The following MAP2K4 variants were observed in gnomAD, a reference collection of about 807,000 sequenced individuals.
MAP2K4 encodes dual specificity mitogen-activated protein kinase kinase 4.
MAP2K4 carries 4 observed loss-of-function variants against 48.5 expected under a neutral mutation model. The ratio of observed to expected loss-of-function variants is 0.08; its 90% CI spans 0.04 to 0.19. The LOEUF (loss-of-function observed/expected upper bound fraction) is 0.19. Among genes scored for constraint, MAP2K4 ranks in the 10% least tolerant of loss-of-function variants. The pLI is 1.00. For missense variants in MAP2K4, 258 were observed against 493.3 expected (o/e 0.52, Z 4.52); for synonymous variants, 166 against 173.1 (o/e 0.96, Z 0.32).
chr17:12,104,545 C>T (rs1039894442), intron 4 of MAP2K4, among the ~76,000 whole-genome samples: 1 of 151,890 alleles, frequency 6.6e-6, no homozygotes, highest in African/African-American at 2.4e-5. Context: ...GAATTTTTTA[C>T]ATGTATTTAG....
At chr17:12,129,001 C>A (rs1972943961) in intron 8 of MAP2K4, 138 bp from the exon 9 acceptor site, 2 of 680,260 alleles carry the variant, frequency 2.9e-6, no homozygotes, top group Admixed American at 3.0e-5. Flanking sequence ...TCTGAAGATT[C>A]CTCCCCAAGC....
At chr17:12,085,681 C>T (rs770247521) in intron 3 of MAP2K4, among the ~76,000 whole-genome samples, 5 of 151,982 alleles carry the variant, frequency 3.3e-5, no homozygotes, top group Non-Finnish European at 5.9e-5. Flanking sequence ...TGGATTTTGA[C>T]TTTAGTGTCC....
intron 1 of MAP2K4, 151 bp downstream of exon 1, chr17:12,021,152 C>T: frequency 2.4e-6 from 1 of 424,278 alleles, no homozygotes; most frequent in Non-Finnish European, 3.8e-6. Flanking sequence ...TCCCGCCCCG[C>T]TCCCGGCCGC....
intron 7 of MAP2K4, among the ~76,000 whole-genome samples, chr17:12,121,849 C>T (rs1010527205): frequency 6.6e-6 from 1 of 152,114 alleles, no homozygotes; most frequent in African/African-American, 2.4e-5. Context: ...TGTTTACAGA[C>T]ATGCCTTTTT....
rs533049586 is a variant in MAP2K4 at position 12,101,017 on chromosome 17, A to G, written c.513+5323A>G. Among the ~76,000 whole-genome samples the G allele has an allele frequency of 1.9e-3, 286 of 152,186 alleles. 3 individuals carry two copies. Among genetic ancestry groups the G allele is most frequent in the African/African-American group, 6.2e-3 (259 of 41,554 alleles). Reference sequence around the variant, plus strand: ...GTCTCCTGTCTGCGCTTATCTTTATATATATCTATTCTTCACAGTGTTTTT... The same window carrying G: ...GTCTCCTGTCTGCGCTTATCTTTATGTATATCTATTCTTCACAGTGTTTTT... On this transcript the variant is annotated intron_variant, in intron 4 of 10. Transcript: ENST00000353533.
intron 1 of MAP2K4, among the ~76,000 whole-genome samples, chr17:12,038,194 C>A (rs1270693827): frequency 6.6e-6 from 1 of 152,050 alleles, no homozygotes; most frequent in Non-Finnish European, 1.5e-5. Context: ...CCAACTGAAT[C>A]CAGTTAAAGT....
chr17:12,031,991 G>C (rs1229700840), intron 1 of MAP2K4, among the ~76,000 whole-genome samples: 1 of 152,086 alleles, frequency 6.6e-6, no homozygotes, highest in Non-Finnish European at 1.5e-5. Flanking sequence ...AGGGCTTGTA[G>C]TTCTTTTTAT....
chr17:12,024,509 A>C (rs1307800537), intron 1 of MAP2K4, among the ~76,000 whole-genome samples: 8 of 152,118 alleles, frequency 5.3e-5, no homozygotes, highest in African/African-American at 1.9e-4. Flanking sequence ...TACGTTGAGT[A>C]GTTCTTAGGC....
chr17:12,033,602 T>G (rs1969505294), intron 1 of MAP2K4, among the ~76,000 whole-genome samples: 1 of 152,182 alleles, frequency 6.6e-6, no homozygotes, highest in South Asian at 2.1e-4. Context: ...TAATATATGA[T>G]TTCCTGCTCA....
intron 2 of MAP2K4, among the ~76,000 whole-genome samples, chr17:12,061,738 T>C (rs1251673459): frequency 6.6e-6 from 1 of 152,162 alleles, no homozygotes; most frequent in Non-Finnish European, 1.5e-5. Flanking sequence ...TAGCTATTGA[T>C]GAGTTTTCCA....
chr17:12,129,357 C>T (rs1224953169), intron 9 of MAP2K4, 70 bp downstream of exon 9: 1 of 1,577,852 alleles, frequency 6.3e-7, no homozygotes, highest in African/African-American at 1.4e-5. Context: ...GTCTTAGCAG[C>T]ATTGGTACTT....
chr17:12,132,080 G>A (rs1359349860), intron 9 of MAP2K4, among the ~76,000 whole-genome samples: 1 of 152,162 alleles, frequency 6.6e-6, no homozygotes, highest in African/African-American at 2.4e-5. Flanking sequence ...AATACTGACA[G>A]TACCAAATAT....
At position 12,048,671 on chromosome 17, in the gene MAP2K4, T is replaced by G. The variant is rs181250399; in HGVS notation, c.116-6218T>G. ...TTTATTTTTATTTATTTATTTATTT[T>G]TTGAGACGCAGTTTCACTCTTGTCA... On this transcript the variant is annotated intron_variant, in intron 1 of 10. Transcript: ENST00000353533. Among the ~76,000 whole-genome samples the G allele has an allele frequency of 7.9e-5, 12 of 152,244 alleles. 1 individual carries two copies. The highest frequency in any genetic ancestry group is 7.8e-4 in the Admixed American group (12 of 15,292).
intron 8 of MAP2K4, among the ~76,000 whole-genome samples, chr17:12,126,772 T>G (rs1972867734): frequency 1.3e-5 from 2 of 152,256 alleles, no homozygotes; most frequent in Admixed American, 1.3e-4. Context: ...AATTTTGTTT[T>G]GAAGTCTTCG....
chr17:12,042,674 A>G (rs1356705940), intron 1 of MAP2K4, among the ~76,000 whole-genome samples: 1 of 151,310 alleles, frequency 6.6e-6, no homozygotes, highest in Non-Finnish European at 1.5e-5. Context: ...GTGATTCACT[A>G]TGGAGTCGAA....
chr17:12,108,450 GT>G (rs1413874120), intron 5 of MAP2K4, among the ~76,000 whole-genome samples: 1 of 151,994 alleles, frequency 6.6e-6, no homozygotes, highest in Non-Finnish European at 1.5e-5. Flanking sequence ...ACTAAATTTG[GT>G]TAACTCACTT....
intron 9 of MAP2K4, among the ~76,000 whole-genome samples, chr17:12,134,096 A>T (rs552405282): frequency 1.4e-3 from 220 of 152,332 alleles, no homozygotes; most frequent in African/African-American, 5.1e-3. Flanking sequence ...TTAAATCCCT[A>T]TAGTAGGTGA....
At chr17:12,059,802 A>G (rs1970393805) in intron 2 of MAP2K4, among the ~76,000 whole-genome samples, 1 of 152,234 alleles carries the variant, frequency 6.6e-6, no homozygotes, top group African/African-American at 2.4e-5. Context: ...CCTTCTCAGT[A>G]GAACTTTATC....
chr17:12,048,914 C>T (rs1970047992), intron 1 of MAP2K4, among the ~76,000 whole-genome samples: 1 of 152,142 alleles, frequency 6.6e-6, no homozygotes, highest in African/African-American at 2.4e-5. Flanking sequence ...GCCTCAGCCT[C>T]CCAAAGTGCT....
Sources: allele counts gnomAD v4.1 joint callset (sites outside exome capture counted in the v4.1 genomes callset), GRCh38; gene constraint gnomAD v4.1.1; transcripts MANE v1.5; gene names NCBI Gene and HGNC (gene_info 2026-07-23, HGNC 2026-07-21).